Variants in TNR observed in about 807,000 individuals in gnomAD.
The protein encoded by TNR is tenascin R, also known as tenascin-R.
TNR carries 45 observed loss-of-function variants against 150.4 expected under a neutral mutation model. That is an observed-to-expected ratio of 0.30 (90% CI 0.24 to 0.38). The LOEUF (loss-of-function observed/expected upper bound fraction) is 0.38, where lower values mean the gene tolerates loss of function less well. TNR is among the 10% of genes least tolerant of loss of function. The pLI, the probability that TNR is intolerant of heterozygous loss-of-function variation, is 1.00. For synonymous variants in TNR, 687 were observed against 678.4 expected, an observed-to-expected ratio of 1.01 and a Z score of -0.20; for missense variants, 1,544 against 1,759.1, an observed-to-expected ratio of 0.88 and a Z score of 2.19.
chr1:175,621,905 C>T (rs970588607), intron 1 of TNR, among the ~76,000 whole-genome samples: 1 of 152,224 alleles, frequency 6.6e-6, no homozygotes. Context: ...TGAGCCTACC[C>T]TGGTTCACAT....
chr1:175,612,576 A>T (rs1663631516), intron 1 of TNR, among the ~76,000 whole-genome samples: 1 of 152,174 alleles, frequency 6.6e-6, no homozygotes, highest in Non-Finnish European at 1.5e-5. Context: ...TGAGAACTTG[A>T]TAGATTTTTA....
At position 175,471,176 on chromosome 1, in the gene TNR, C is replaced by T. The variant is rs548023727; in HGVS notation, c.-64+57093G>A. Among the ~76,000 whole-genome samples, 19 of 152,252 alleles carry T rather than the reference C, an allele frequency of 1.2e-4. No individual in the cohort carries two copies. The East Asian group carries it at 1.9e-3, about 15-fold the overall frequency. On this transcript the variant is annotated intron_variant, in intron 2 of 22. Coordinates refer to ENST00000367674, the MANE Select transcript of TNR (RefSeq NM_003285.3). ...AGTCACAAGACTGAAGTTAACACGC[C>T]GGGCTGAGTAATGAACTCATTTATG...
chr1:175,358,773 A>C (rs1651447648), intron 15 of TNR, among the ~76,000 whole-genome samples: 2 of 152,260 alleles, frequency 1.3e-5, no homozygotes, highest in South Asian at 4.1e-4. Flanking sequence ...AGCATGATAC[A>C]GAAGACAGTG....
intron 1 of TNR, among the ~76,000 whole-genome samples, chr1:175,602,803 T>G (rs1663290414): frequency 6.6e-6 from 1 of 152,224 alleles, no homozygotes; most frequent in Non-Finnish European, 1.5e-5. Flanking sequence ...TTACATGACT[T>G]CATTTGCTTC....
rs1007264577 is a variant in TNR at position 175,409,822 on chromosome 1, C to A, written c.-63-3045G>T. Among the ~76,000 whole-genome samples the A allele has an allele frequency of 9.5e-5, 8 of 84,638 alleles. No individual in the cohort carries two copies. In the Admixed American group the frequency reaches 1.2e-3, roughly 13 times the overall value. The allele number at this position is 84,638 out of a possible 152,430, so 55.5% of individuals were successfully genotyped here. A position where few individuals can be genotyped will look rare whatever the true frequency, so the allele number is the denominator to read the frequency against. On this transcript the variant is annotated intron_variant, in intron 2 of 22. Transcript: ENST00000367674. ...TATTAAGTACCTATTATATGCTGGT[C>A]TTTTTCTTTATAGAAGTTGCATTCA... is the stretch of plus-strand genomic sequence containing the variant.
chr1:175,362,811 T>C lies in TNR; in HGVS notation c.2708-2A>G, dbSNP rs1214479958. ...CCACTGAGCTGTCTAGTCGTCCCAC[T>C]GGAGAAGAGAAGAATCTACAGTTAA... On this transcript the variant is annotated splice_acceptor_variant, in intron 13 of 22. Transcript: ENST00000367674. LOFTEE classifies it high-confidence loss of function. 1 of 1,613,886 alleles carries C rather than the reference T, an allele frequency of 6.2e-7. No homozygotes were observed. Among genetic ancestry groups the C allele is most frequent in the Non-Finnish European group, 8.5e-7 (1 of 1,179,906 alleles).
Position 175,706,256 on chromosome 1 carries a change from T to C in TNR, c.-165+36970A>G, listed in dbSNP as rs546209870. Among the ~76,000 whole-genome samples the C allele has an allele frequency of 3.5e-4, 53 of 152,240 alleles. No homozygotes were observed. In the South Asian group the frequency reaches 0.011, roughly 30 times the overall value. ...TTAACTTTAAATTAAGCACCAAATATCAGAATGCTATGTGTCAAGCCTGGG... is the reference window on the plus strand; with the variant it reads ...TTAACTTTAAATTAAGCACCAAATACCAGAATGCTATGTGTCAAGCCTGGG... On this transcript the variant is annotated intron_variant, in intron 1 of 22. Coordinates refer to ENST00000367674, the MANE Select transcript of TNR (RefSeq NM_003285.3).
At chr1:175,481,405 G>T (rs899895608) in intron 2 of TNR, among the ~76,000 whole-genome samples, 1 of 152,158 alleles carries the variant, frequency 6.6e-6, no homozygotes, top group Non-Finnish European at 1.5e-5. Flanking sequence ...GATTTTGGGC[G>T]TAAGATTCTG....
chr1:175,609,338 G>T (rs1663521224), intron 1 of TNR, among the ~76,000 whole-genome samples: 1 of 152,162 alleles, frequency 6.6e-6, no homozygotes, highest in Non-Finnish European at 1.5e-5. Flanking sequence ...GCCTATTGGG[G>T]TAAGAGCATG....
At chr1:175,662,489 G>A (rs1050562730) in intron 1 of TNR, among the ~76,000 whole-genome samples, 14 of 152,210 alleles carry the variant, frequency 9.2e-5, no homozygotes, top group Admixed American at 3.9e-4. Flanking sequence ...TAGGGCCCCA[G>A]CCAGGCCTAA....
intron 1 of TNR, among the ~76,000 whole-genome samples, chr1:175,709,630 G>A (rs1157911107): frequency 3.3e-5 from 5 of 152,330 alleles, no homozygotes; most frequent in South Asian, 2.1e-4. Flanking sequence ...TCCCCTAACA[G>A]GCCAAACAAT....
intron 1 of TNR, among the ~76,000 whole-genome samples, chr1:175,708,636 A>C (rs1267945419): frequency 7.9e-5 from 12 of 152,184 alleles, no homozygotes; most frequent in Admixed American, 7.9e-4. Flanking sequence ...GGAGACAGAC[A>C]TCTACCTCCT....
intron 1 of TNR, among the ~76,000 whole-genome samples, chr1:175,738,202 T>G (rs1323927363): frequency 6.6e-6 from 1 of 152,150 alleles, no homozygotes; most frequent in Non-Finnish European, 1.5e-5. Context: ...TTTCCTTTTC[T>G]TACTTGATTG....
intron 1 of TNR, among the ~76,000 whole-genome samples, chr1:175,636,903 A>G (rs540669573): frequency 6.6e-6 from 1 of 152,384 alleles, no homozygotes; most frequent in Admixed American, 6.5e-5. Context: ...TGCGACCTCC[A>G]TAACTAACAT....
At chr1:175,590,360 T>C (rs933949616) in intron 1 of TNR, among the ~76,000 whole-genome samples, 9 of 152,238 alleles carry the variant, frequency 5.9e-5, no homozygotes, top group Non-Finnish European at 8.8e-5. Flanking sequence ...TTTTAAAATA[T>C]TGCATTAAAT....
chr1:175,659,813 A>T (rs1177068851), intron 1 of TNR, among the ~76,000 whole-genome samples: 1 of 151,834 alleles, frequency 6.6e-6, no homozygotes, highest in Non-Finnish European at 1.5e-5. Flanking sequence ...CACTGGGATA[A>T]CTCCAGGAGG....
At chr1:175,733,572 AGG>A (rs1341610106) in intron 1 of TNR, among the ~76,000 whole-genome samples, 1 of 152,130 alleles carries the variant, frequency 6.6e-6, no homozygotes, top group Non-Finnish European at 1.5e-5. Context: ...AAAAAGGGGT[AGG>A]GGTAGAGGGG....
At chr1:175,450,658 G>C (rs944613052) in intron 2 of TNR, among the ~76,000 whole-genome samples, 2 of 152,240 alleles carry the variant, frequency 1.3e-5, no homozygotes, top group Non-Finnish European at 2.9e-5. Context: ...CTGGCACAAA[G>C]TTTAAGTGCT....
chr1:175,709,860 T>C (rs1666951877), intron 1 of TNR, among the ~76,000 whole-genome samples: 1 of 151,842 alleles, frequency 6.6e-6, no homozygotes. Context: ...TCAGACATGA[T>C]CTCCATCCTC....
Sources: allele counts gnomAD v4.1 joint callset (sites outside exome capture counted in the v4.1 genomes callset), GRCh38; gene constraint gnomAD v4.1.1; transcripts MANE v1.5; gene names NCBI Gene and HGNC (gene_info 2026-07-23, HGNC 2026-07-21).